Variants in CLDN16 observed in about 807,000 individuals in gnomAD.
CLDN16 encodes the protein claudin-16.
A neutral mutation model predicts 24.6 loss-of-function variants in CLDN16; 13 were observed. That is an observed-to-expected ratio of 0.53 (90% CI 0.34 to 0.84). CLDN16 has a LOEUF of 0.84. CLDN16 is among the 40% of genes least tolerant of loss of function. The pLI is 0.01. For synonymous variants in CLDN16, 116 were observed against 106.7 expected, an observed-to-expected ratio of 1.09 and a Z score of -0.54; for missense variants, 298 against 292.7, an observed-to-expected ratio of 1.02 and a Z score of -0.13.
chr3:190,355,814 C>T (rs1010623211), intron 1 of CLDN16, among the ~76,000 whole-genome samples: 11 of 151,814 alleles, frequency 7.2e-5, no homozygotes, highest in Non-Finnish European at 1.6e-4. Flanking sequence ...ATTGATATAG[C>T]TTAGATCAGG....
chr3:190,340,377 A>C (rs1049740859), intron 1 of CLDN16, among the ~76,000 whole-genome samples: 5 of 152,214 alleles, frequency 3.3e-5, no homozygotes, highest in Non-Finnish European at 5.9e-5. Context: ...GAGGCCTCAC[A>C]ATCACAGTCA....
At chr3:190,396,921 G>C (rs932964222) in intron 1 of CLDN16, among the ~76,000 whole-genome samples, 3 of 152,110 alleles carry the variant, frequency 2.0e-5, no homozygotes, top group African/African-American at 7.2e-5. Context: ...AAACTCAAAT[G>C]CCTTAAGGAA....
chr3:190,297,399 A>C, the CLDN16 span, among the ~76,000 whole-genome samples: 2 of 149,240 alleles, frequency 1.3e-5, no homozygotes, highest in Non-Finnish European at 3.0e-5. Context: ...AATTGAAGAT[A>C]TAGGCTTTCA....
At chr3:190,316,327 A>T in the CLDN16 span, among the ~76,000 whole-genome samples, 2 of 152,246 alleles carry the variant, frequency 1.3e-5, 1 homozygote, top group Admixed American at 1.3e-4. Flanking sequence ...TTAGATTTGC[A>T]TCAAACCCAA....
chr3:190,407,935 T>C (rs1006030485), intron 3 of CLDN16, among the ~76,000 whole-genome samples: 3 of 152,224 alleles, frequency 2.0e-5, no homozygotes, highest in African/African-American at 7.2e-5. Flanking sequence ...ATGTTGTTTG[T>C]GTTAGACTAC....
chr3:190,324,226 T>G (rs568393742), intron 1 of CLDN16, among the ~76,000 whole-genome samples: 7 of 152,336 alleles, frequency 4.6e-5, no homozygotes, highest in Admixed American at 2.6e-4. Flanking sequence ...CTCACGCCTG[T>G]AATCCCAACA....
chr3:190,296,519 G>A, the CLDN16 span, among the ~76,000 whole-genome samples: 2 of 151,818 alleles, frequency 1.3e-5, no homozygotes, highest in East Asian at 3.9e-4. Flanking sequence ...TAACGTATGA[G>A]GATGGGAAAG....
intron 1 of CLDN16, among the ~76,000 whole-genome samples, chr3:190,335,151 C>G (rs1422584910): frequency 6.6e-6 from 1 of 151,428 alleles, no homozygotes; most frequent in East Asian, 2.0e-4. Context: ...TCAAGCGATT[C>G]TCCTGCCACA....
chr3:190,380,152 C>CCTTCCTT (rs1321025410), intron 3 of CLDN16, among the ~76,000 whole-genome samples: 8 of 9,960 alleles, frequency 8.0e-4, no homozygotes, highest in African/African-American at 4.9e-3. Flanking sequence ...TTTCTTCCTT[C>CCTTCCTT]CCTCCCTTCC....
chr3:190,393,244 C>T (rs547178061), intron 1 of CLDN16, among the ~76,000 whole-genome samples: 1 of 152,218 alleles, frequency 6.6e-6, no homozygotes, highest in African/African-American at 2.4e-5. Context: ...ATACAGAAAC[C>T]TTCATGGAGC....
the CLDN16 span, among the ~76,000 whole-genome samples, chr3:190,302,133 T>G: frequency 6.6e-6 from 1 of 152,342 alleles, no homozygotes; most frequent in South Asian, 2.1e-4. Context: ...ATATGTTATT[T>G]CCGGAATACT....
At chr3:190,313,888 A>G in the CLDN16 span, among the ~76,000 whole-genome samples, 7 of 152,280 alleles carry the variant, frequency 4.6e-5, no homozygotes, top group Admixed American at 4.6e-4. Context: ...AAGAGTAAAA[A>G]CTTGATGCCA....
chr3:190,402,364 T>C lies in CLDN16; in HGVS notation c.142T>C (p.Trp48Arg). 1 of 1,614,024 alleles carries C rather than the reference T, an allele frequency of 6.2e-7. No homozygotes were observed. ...EVSTKCRGLW[W>R]ECVTNAFDGI... ...GAGCACAAAATGCCGAGGCCTCTGG[T>C]GGGAATGCGTCACAAATGCTTTTGA... The change falls in exon 2 of 5, where the codon TGG (tryptophan) becomes CGG (arginine). Residue 48 changes from tryptophan to arginine, a missense_variant. Physicochemically the swap from Trp to Arg is moderately radical, Grantham distance 101. Coordinates refer to ENST00000264734, the MANE Select transcript of CLDN16 (RefSeq NM_006580.4).
chr3:190,336,537 G>A (rs1021623683), intron 1 of CLDN16, among the ~76,000 whole-genome samples: 1 of 152,204 alleles, frequency 6.6e-6, no homozygotes, highest in Non-Finnish European at 1.5e-5. Flanking sequence ...GCTGTGGAAA[G>A]TTCCCCGTTT....
In CLDN16 at chr3:190,410,052, G is replaced by A. The variant is rs368827991; in HGVS notation, c.*16G>A. On this transcript the variant is annotated 3_prime_UTR_variant, in exon 5 of 5. Coordinates refer to ENST00000264734, the MANE Select transcript of CLDN16 (RefSeq NM_006580.4). ...AAGGGTGTAAAATGCACGTTTCAGG[G>A]TGTGTTTGCATATGATTTAATCAAT... 3.3e-5 allele frequency: 53 copies of A among 1,613,810 alleles called. No homozygotes were observed. The Middle Eastern group carries it at 4.9e-4, about 15-fold the overall frequency.
chr3:190,387,533 T>C (rs1301488152), upstream of CLDN16, among the ~76,000 whole-genome samples: 1 of 152,138 alleles, frequency 6.6e-6, no homozygotes, highest in Non-Finnish European at 1.5e-5. Context: ...AGAACAAGCA[T>C]TATATAAAGA....
At chr3:190,375,587 T>C (rs1366414662) in intron 3 of CLDN16, among the ~76,000 whole-genome samples, 3 of 151,988 alleles carry the variant, frequency 2.0e-5, no homozygotes, top group African/African-American at 7.2e-5. Flanking sequence ...GTTATGGTAC[T>C]ACTTGAAATT....
At chr3:190,387,908 C>T (rs1718545576), upstream of CLDN16, 1 of 593,124 alleles carries the variant, frequency 1.7e-6, no homozygotes, top group African/African-American at 1.9e-5. Flanking sequence ...CTCACTCTCC[C>T]TAGAGGGCCT....
At chr3:190,322,655 C>T in exon 1 of CLDN16, 1 of 248,356 alleles carries the variant, frequency 4.0e-6, no homozygotes, top group South Asian at 4.8e-5. Context: ...TGGATCTTCT[C>T]GCTCCTGTAA....
Sources: allele counts gnomAD v4.1 joint callset (sites outside exome capture counted in the v4.1 genomes callset), GRCh38; gene constraint gnomAD v4.1.1; transcripts MANE v1.5; gene names NCBI Gene and HGNC (gene_info 2026-07-23, HGNC 2026-07-21).